Variants in CDH4 observed in about 807,000 individuals in gnomAD.
The protein encoded by CDH4 is cadherin 4, also known as cadherin-4.
Under a neutral mutation model 86.0 loss-of-function variants are expected in CDH4, and 33 were observed. The ratio of observed to expected loss-of-function variants is 0.38; its 90% CI spans 0.29 to 0.51. The LOEUF (loss-of-function observed/expected upper bound fraction) is 0.51. CDH4 is among the 20% of genes least tolerant of loss of function. CDH4 has a pLI of 0.86. For missense variants in CDH4, 1,114 were observed against 1,307.4 expected, an observed-to-expected ratio of 0.85 and a Z score of 2.28; for synonymous variants, 555 against 549.4, an observed-to-expected ratio of 1.01 and a Z score of -0.14.
At chr20:61,801,483 G>T (rs563724607) in intron 4 of CDH4, among the ~76,000 whole-genome samples, 1 of 152,328 alleles carries the variant, frequency 6.6e-6, no homozygotes, top group African/African-American at 2.4e-5. Flanking sequence ...CTCCCTGTCT[G>T]TGTGAGTTGC....
intron 2 of CDH4, among the ~76,000 whole-genome samples, chr20:61,643,516 G>T (rs554046316): frequency 1.3e-5 from 2 of 152,234 alleles, no homozygotes; most frequent in African/African-American, 4.8e-5. Context: ...AGAGGGAAAC[G>T]TGTGCACTAA....
At chr20:61,404,764 G>T (rs558404058) in intron 2 of CDH4, among the ~76,000 whole-genome samples, 2 of 150,698 alleles carry the variant, frequency 1.3e-5, no homozygotes, top group Non-Finnish European at 2.9e-5. Flanking sequence ...TTAAGAAAAA[G>T]CTCAGGCTGG....
chr20:61,929,570 C>T, intron 12 of CDH4, 39 bp from the exon 13 acceptor site: 3 of 1,511,870 alleles, frequency 2.0e-6, no homozygotes, highest in Non-Finnish European at 2.8e-6. Context: ...GAAGCGAGGG[C>T]CGGGCTCTGG....
intron 2 of CDH4, among the ~76,000 whole-genome samples, chr20:61,665,533 G>A (rs954498038): frequency 2.0e-5 from 3 of 152,214 alleles, no homozygotes; most frequent in Non-Finnish European, 4.4e-5. Flanking sequence ...TTTTCGGAGA[G>A]CCGAGGTCCC....
chr20:61,590,702 C>T (rs2086512090), intron 2 of CDH4, among the ~76,000 whole-genome samples: 1 of 152,016 alleles, frequency 6.6e-6, no homozygotes, highest in South Asian at 2.1e-4. Flanking sequence ...ACGTTTGGCT[C>T]AGTGGGCCCG....
chr20:61,282,717 G>A (rs1034857217), intron 2 of CDH4, among the ~76,000 whole-genome samples: 8 of 152,272 alleles, frequency 5.3e-5, no homozygotes, highest in Non-Finnish European at 1.2e-4. Flanking sequence ...GTGAGTTGGT[G>A]TGTGTGCATG....
chr20:61,400,387 G>A (rs1045620672), intron 2 of CDH4, among the ~76,000 whole-genome samples: 9 of 152,204 alleles, frequency 5.9e-5, no homozygotes, highest in Non-Finnish European at 1.3e-4. Context: ...GGAAAGTGAT[G>A]CTGCACTGGG....
chr20:61,414,257 C>T (rs979601290), intron 2 of CDH4, among the ~76,000 whole-genome samples: 1 of 152,254 alleles, frequency 6.6e-6, no homozygotes, highest in African/African-American at 2.4e-5. Context: ...GCGTGAATGA[C>T]CCATCTCACT....
chr20:61,472,797 ACTG>A (rs1263844057), intron 2 of CDH4, among the ~76,000 whole-genome samples: 1 of 152,226 alleles, frequency 6.6e-6, no homozygotes, highest in African/African-American at 2.4e-5. Flanking sequence ...AGCAAATAAT[ACTG>A]CTGAATGTAT....
intron 2 of CDH4, among the ~76,000 whole-genome samples, chr20:61,271,759 G>A (rs1475076096): frequency 6.6e-6 from 1 of 152,240 alleles, no homozygotes; most frequent in Non-Finnish European, 1.5e-5. Context: ...CTCACGAGAT[G>A]GTTCTGTCAC....
At chr20:61,304,010 C>G (rs1025301823) in intron 2 of CDH4, among the ~76,000 whole-genome samples, 1 of 152,140 alleles carries the variant, frequency 6.6e-6, no homozygotes, top group Admixed American at 6.5e-5. Flanking sequence ...GGGATAGGCT[C>G]CTGCCAGTGG....
chr20:61,864,191 A>C (rs6061372), intron 6 of CDH4, among the ~76,000 whole-genome samples: 148,951 of 152,272 alleles, frequency 0.98, 72,950 homozygotes, highest in Middle Eastern at 1. Flanking sequence ...ACGGTGCCCC[A>C]ACCCCAGGAG....
chr20:61,749,435 C>G lies in CDH4; in HGVS notation c.396+5646C>G, dbSNP rs2088460372. 2.0e-5 allele frequency among the ~76,000 whole-genome samples: 3 copies of G among 152,200 alleles called. 1 individual carries two copies. In the South Asian group the frequency reaches 6.2e-4, roughly 31 times the overall value. On this transcript the variant is annotated intron_variant, in intron 3 of 15. Transcript: ENST00000614565. ...ACATGATTTTTAAGTATAGACAGAA[C>G]ATTTACAAATATTAACCAAGCAAGT...
rs926955733 is a variant in CDH4, at chr20:61,807,502, C to T, written c.576+34320C>T. 9.2e-5 allele frequency among the ~76,000 whole-genome samples: 14 copies of T among 152,214 alleles called. No homozygotes were observed. The highest frequency in any genetic ancestry group is 3.1e-4 in the African/African-American group (13 of 41,442). On this transcript the variant is annotated intron_variant, in intron 4 of 15. Transcript: ENST00000614565. This position sits in a 1 kb window ranked among gnomAD's most constrained non-coding sequence, Gnocchi z 4.5. ...CTCCTCTTTCTACTCCATCTCCTCC[C>T]GGCTGGGAAGTTGCAGCCCTTTCTC...
At chr20:61,320,074 C>T (rs2084499846) in intron 2 of CDH4, among the ~76,000 whole-genome samples, 1 of 152,144 alleles carries the variant, frequency 6.6e-6, no homozygotes, top group Admixed American at 6.5e-5. Flanking sequence ...GTTCTTCCCA[C>T]AATAATTTTT....
rs1386429758 is a variant in CDH4, at chr20:61,937,612, C to T, written c.*669C>T. On this transcript the variant is annotated 3_prime_UTR_variant, in exon 16 of 16. Coordinates refer to ENST00000614565, the MANE Select transcript of CDH4 (RefSeq NM_001794.5). The stretch of plus-strand genomic sequence containing the variant: ...AGAAGGCCCTGGGGCTGGTGGGGCT[C>T]AGAATACCCCTACCTTGTGGCTGCT... The T allele has an allele frequency of 7.2e-6, 1 of 139,704 alleles. No homozygotes were observed. Among genetic ancestry groups the T allele is most frequent in the Non-Finnish European group, 1.5e-5 (1 of 64,684 alleles). The allele number at this position is 139,704 out of a possible 1,614,324, so 8.7% of individuals were successfully genotyped here.
chr20:61,734,135 C>T (rs1265092620), intron 2 of CDH4, among the ~76,000 whole-genome samples: 1 of 152,212 alleles, frequency 6.6e-6, no homozygotes, highest in African/African-American at 2.4e-5. Context: ...GCCGAGTCTC[C>T]ACAGAGGCTT....
At chr20:61,891,883 T>C (rs1416463635) in intron 7 of CDH4, among the ~76,000 whole-genome samples, 1 of 144,300 alleles carries the variant, frequency 6.9e-6, no homozygotes, top group Non-Finnish European at 1.5e-5. Flanking sequence ...CCTCCCTCCC[T>C]GAGATGCTTG....
intron 2 of CDH4, among the ~76,000 whole-genome samples, chr20:61,555,437 C>G (rs558064720): frequency 1.3e-5 from 2 of 152,294 alleles, no homozygotes; most frequent in South Asian, 4.1e-4. Context: ...CAGGACTGTC[C>G]TGCTACCTGG....
Sources: allele counts gnomAD v4.1 joint callset (sites outside exome capture counted in the v4.1 genomes callset), GRCh38; gene constraint gnomAD v4.1.1; non-coding constraint Gnocchi (gnomAD v3.1); transcripts MANE v1.5; gene names NCBI Gene and HGNC (gene_info 2026-07-23, HGNC 2026-07-21).